The following PRIM2 variants were observed in gnomAD, a reference collection of about 807,000 sequenced individuals.
The protein encoded by PRIM2 is DNA primase large subunit.
A neutral mutation model predicts 67.3 loss-of-function variants in PRIM2; 39 were observed. The observed-to-expected ratio is 0.58, with a 90% CI of 0.45 to 0.76. The LOEUF (loss-of-function observed/expected upper bound fraction) is 0.76, where lower values mean the gene tolerates loss of function less well. Ranked by LOEUF, PRIM2 falls within the 30% of genes least tolerant of loss-of-function variation. PRIM2 has a pLI of 0.00. For missense variants in PRIM2, 398 were observed against 598.7 expected (o/e 0.66, Z 3.50); for synonymous variants, 143 against 198.7 (o/e 0.72, Z 2.36).
intron 7 of PRIM2, among the ~76,000 whole-genome samples, chr6:57,395,092 A>G (rs540531240): frequency 3.8e-4 from 58 of 152,194 alleles, no homozygotes; most frequent in African/African-American, 1.3e-3. Context: ...TTTAGCAGCT[A>G]TGTTCATCAA....
intron 5 of PRIM2, among the ~76,000 whole-genome samples, chr6:57,347,859 A>C (rs920521277): frequency 2.6e-5 from 4 of 152,224 alleles, no homozygotes; most frequent in African/African-American, 9.6e-5. Flanking sequence ...TAAGTCACAA[A>C]GCATGTTACT....
chr6:57,530,360 A>T (rs1248686323), intron 8 of PRIM2, among the ~76,000 whole-genome samples: 1 of 152,220 alleles, frequency 6.6e-6, no homozygotes, highest in Non-Finnish European at 1.5e-5. Context: ...GGAGATAAAG[A>T]CCAGTTGGTA....
At chr6:57,628,556 G>A (rs1209132682) in intron 12 of PRIM2, among the ~76,000 whole-genome samples, 1 of 152,194 alleles carries the variant, frequency 6.6e-6, no homozygotes, top group Non-Finnish European at 1.5e-5. Context: ...TATGTTGCAT[G>A]ATGCTGAGGC....
At chr6:57,438,331 A>G (rs982608876) in intron 7 of PRIM2, among the ~76,000 whole-genome samples, 1 of 152,200 alleles carries the variant, frequency 6.6e-6, no homozygotes, top group African/African-American at 2.4e-5. Context: ...CTGGGTTTAC[A>G]TACTCTTGAA....
intron 12 of PRIM2, among the ~76,000 whole-genome samples, chr6:57,623,689 C>T (rs1776897953): frequency 6.6e-6 from 1 of 152,020 alleles, no homozygotes; most frequent in Non-Finnish European, 1.5e-5. Flanking sequence ...GAGGCACCGG[C>T]TTCTTTTGAA....
intron 5 of PRIM2, among the ~76,000 whole-genome samples, chr6:57,329,562 T>G (rs1219232100): frequency 6.6e-6 from 1 of 152,048 alleles, no homozygotes; most frequent in East Asian, 1.9e-4. Flanking sequence ...GGGGGCAATC[T>G]CCCCCATGGT....
intron 12 of PRIM2, among the ~76,000 whole-genome samples, chr6:57,627,302 A>AAAAAAAAAAAAAC (rs1776966218): frequency 6.7e-6 from 1 of 148,528 alleles, no homozygotes; most frequent in African/African-American, 2.5e-5. Context: ...AAAAAAAAAA[A>AAAAAAAAAAAAAC]AAAAAAGTTT....
At chr6:57,543,164 C>T (rs1258151198) in intron 10 of PRIM2, among the ~76,000 whole-genome samples, 125 of 151,354 alleles carry the variant, frequency 8.3e-4, no homozygotes, top group African/African-American at 3.0e-3. Context: ...TGGTCTCGAT[C>T]TCCTGACCTC....
chr6:57,339,470 A>C (rs1365754858), intron 5 of PRIM2, among the ~76,000 whole-genome samples: 1 of 152,174 alleles, frequency 6.6e-6, no homozygotes, highest in African/African-American at 2.4e-5. Flanking sequence ...ACAAGGCTAC[A>C]GTAACCAAAA....
intron 7 of PRIM2, among the ~76,000 whole-genome samples, chr6:57,443,062 T>C (rs1188709161): frequency 1.3e-5 from 2 of 152,208 alleles, no homozygotes; most frequent in African/African-American, 4.8e-5. Context: ...ATCCATATTG[T>C]TGCAGACAAC....
chr6:57,476,198 A>T (rs1694545022), intron 7 of PRIM2, among the ~76,000 whole-genome samples: 1 of 152,242 alleles, frequency 6.6e-6, no homozygotes, highest in African/African-American at 2.4e-5. Context: ...ACTAATAAAT[A>T]GTAAAATTAT....
chr6:57,521,381 T>TG (rs1774619568), intron 8 of PRIM2, among the ~76,000 whole-genome samples: 8 of 147,930 alleles, frequency 5.4e-5, no homozygotes, highest in African/African-American at 2.0e-4. Context: ...TTTTTTTTTT[T>TG]TTTTTTTTTT....
the PRIM2 span, among the ~76,000 whole-genome samples, chr6:57,278,906 G>T: frequency 1.3e-5 from 2 of 152,188 alleles, no homozygotes; most frequent in Non-Finnish European, 2.9e-5. Flanking sequence ...CTGTGGAACA[G>T]TTTTTTCCTA....
chr6:57,570,192 T>G lies in PRIM2; in HGVS notation c.1021-30901T>G, dbSNP rs1342268981. 1.6e-4 allele frequency among the ~76,000 whole-genome samples: 24 copies of G among 152,312 alleles called. No homozygotes were observed. The South Asian group carries it at 4.8e-3, about 30-fold the overall frequency. On this transcript the variant is annotated intron_variant, in intron 10 of 13. Transcript: ENST00000615550. ...TCTTTAAGAAAGGTAATAGAAACACTTGTCTAATAAAATGGTAGGAATCTA... is the reference window on the plus strand; with the variant it reads ...TCTTTAAGAAAGGTAATAGAAACACGTGTCTAATAAAATGGTAGGAATCTA...
At chr6:57,540,861 G>A (rs1278026908) in intron 10 of PRIM2, among the ~76,000 whole-genome samples, 1 of 152,256 alleles carries the variant, frequency 6.6e-6, no homozygotes, top group Non-Finnish European at 1.5e-5. Flanking sequence ...GAGCCTATAA[G>A]TGTTGCAAGT....
intron 11 of PRIM2, among the ~76,000 whole-genome samples, chr6:57,604,710 A>G (rs1776528852): frequency 6.8e-6 from 1 of 148,030 alleles, no homozygotes; most frequent in South Asian, 2.1e-4. Flanking sequence ...TTAAATTTTG[A>G]GACAGAGTCT....
In PRIM2 at chr6:57,385,200, T is replaced by A. The variant is rs866686020; in HGVS notation, c.693+3032T>A. 7.9e-5 allele frequency among the ~76,000 whole-genome samples: 12 copies of A among 152,310 alleles called. No individual in the cohort carries two copies. The South Asian group carries it at 2.1e-3, about 26-fold the overall frequency. On this transcript the variant is annotated intron_variant, in intron 7 of 13. Transcript: ENST00000615550. The stretch of plus-strand genomic sequence containing the variant: ...GACAGAACTTGGGTTCCTAAGTTTG[T>A]AATAAATTCATTTCAGCCAACTGCA...
intron 7 of PRIM2, among the ~76,000 whole-genome samples, chr6:57,483,157 C>T (rs1425955960): frequency 6.6e-6 from 1 of 152,142 alleles, no homozygotes; most frequent in African/African-American, 2.4e-5. Flanking sequence ...ATCTACCAGC[C>T]TCGGCCTCCC....
At chr6:57,399,773 G>C (rs1770643517) in intron 7 of PRIM2, among the ~76,000 whole-genome samples, 1 of 151,332 alleles carries the variant, frequency 6.6e-6, no homozygotes, top group Admixed American at 6.6e-5. Context: ...GTTTTGATTT[G>C]TATTTCTCTG....
Sources: allele counts gnomAD v4.1 joint callset (sites outside exome capture counted in the v4.1 genomes callset), GRCh38; gene constraint gnomAD v4.1.1; transcripts MANE v1.5; gene names NCBI Gene and HGNC (gene_info 2026-07-23, HGNC 2026-07-21).